SETD1B: variants seen among roughly 807,000 people sequenced by gnomAD.
SETD1B encodes the protein histone-lysine N-methyltransferase SETD1B.
SETD1B carries 7 observed loss-of-function variants against 148.0 expected under a neutral mutation model. That is an observed-to-expected ratio of 0.05 (90% CI 0.03 to 0.09). The LOEUF (loss-of-function observed/expected upper bound fraction) is 0.09, where lower values mean the gene tolerates loss of function less well. Ranked by LOEUF, SETD1B falls within the 10% of genes least tolerant of loss-of-function variation. SETD1B has a pLI of 1.00. For missense variants in SETD1B, 2,155 were observed against 2,729.9 expected, an observed-to-expected ratio of 0.79 and a Z score of 4.69; for synonymous variants, 1,361 against 1,186.5, an observed-to-expected ratio of 1.15 and a Z score of -3.02.
At chr12:121,829,946 G>A (rs957994856) in intron 16 of SETD1B, 120 bp from the exon 17 acceptor site, 1 of 874,572 alleles carries the variant, frequency 1.1e-6, no homozygotes, top group Non-Finnish European at 1.7e-6. Context: ...CAGAGCAGTG[G>A]GCTGGGGGTC....
Position 121,805,024 on chromosome 12 carries a change from A to G in SETD1B, c.175-94A>G. Reference sequence around the variant, plus strand: ...CCGGCCAACTGTCAGACGGGGCCCCAGCCCTGGAGTTTGACAAGTGCCTCG... The same window carrying G: ...CCGGCCAACTGTCAGACGGGGCCCCGGCCCTGGAGTTTGACAAGTGCCTCG... On this transcript the variant is annotated intron_variant, in intron 2 of 16. Coordinates refer to ENST00000604567, the MANE Select transcript of SETD1B (RefSeq NM_001353345.2). The surrounding 1 kb of genome is among the most constrained non-coding windows in gnomAD (Gnocchi z 4.2). 2 of 1,471,786 alleles carry G rather than the reference A, an allele frequency of 1.4e-6. No homozygotes were observed. Among genetic ancestry groups the G allele is most frequent in the Admixed American group, 2.2e-5 (1 of 46,046 alleles). The allele number at this position is 1,471,786 out of a possible 1,614,324, so 91.2% of individuals were successfully genotyped here. A position where few individuals can be genotyped will look rare whatever the true frequency, so the allele number is the denominator to read the frequency against.
the SETD1B span, among the ~76,000 whole-genome samples, chr12:121,798,665 C>T: frequency 6.6e-6 from 1 of 152,202 alleles, no homozygotes; most frequent in African/African-American, 2.4e-5. Flanking sequence ...CTTGTTAATC[C>T]GAACAGGCCC....
Position 121,804,688 on chromosome 12 carries a change from C to A in SETD1B, c.-14-36C>A, listed in dbSNP as rs944810562. The A allele has an allele frequency of 5.9e-6, 9 of 1,533,386 alleles. No individual in the cohort carries two copies. The highest frequency in any genetic ancestry group is 7.9e-6 in the Non-Finnish European group (9 of 1,139,410). 95.0% of individuals were successfully genotyped at this position (1,533,386 alleles called of 1,614,324 possible). ...TGTGTAGAAGCGGCCGCCGCCGCCG[C>A]CGCGGCGGAGACGACAACAACTTGC... On this transcript the variant is annotated intron_variant, in intron 1 of 16. Coordinates refer to ENST00000604567, the MANE Select transcript of SETD1B (RefSeq NM_001353345.2). The surrounding 1 kb of genome is among the most constrained non-coding windows in gnomAD (Gnocchi z 4.6).
chr12:121,818,393 T>A (rs1405360672), intron 10 of SETD1B, among the ~76,000 whole-genome samples: 1 of 151,482 alleles, frequency 6.6e-6, no homozygotes, highest in Non-Finnish European at 1.5e-5. Context: ...TGAAACCCCG[T>A]CTCTACTAAA....
In SETD1B at chr12:121,825,330, C is replaced by T; in HGVS notation, c.5301C>T (p.Ser1767=). The change falls in exon 13 of 17, where the codon AGC becomes AGT. Residue 1767 remains serine, a synonymous_variant. Coordinates refer to ENST00000604567, the MANE Select transcript of SETD1B (RefSeq NM_001353345.2). The part of the protein sequence containing the change: ...KKDKLRYLNS[S]RASTDEPPAD... Reference sequence around the variant, plus strand: ...ACAAGCTCAGATACCTCAACAGCAGCCGTGCCAGCACCGATGAGCCCCCCG... The same window carrying T: ...ACAAGCTCAGATACCTCAACAGCAGTCGTGCCAGCACCGATGAGCCCCCCG... 2 of 1,551,394 alleles carry T rather than the reference C, an allele frequency of 1.3e-6. No individual in the cohort carries two copies. The highest frequency in any genetic ancestry group is 1.2e-5 in the South Asian group (1 of 84,064).
At chr12:121,821,835 C>T (rs1049230156) in intron 11 of SETD1B, among the ~76,000 whole-genome samples, 4 of 152,118 alleles carry the variant, frequency 2.6e-5, no homozygotes, top group Non-Finnish European at 5.9e-5. Flanking sequence ...TCTGTAATTC[C>T]AGCACTTTGG....
At chr12:121,818,091 G>A (rs888079285) in intron 10 of SETD1B, among the ~76,000 whole-genome samples, 187 bp downstream of exon 10, 1 of 152,228 alleles carries the variant, frequency 6.6e-6, no homozygotes, top group Non-Finnish European at 1.5e-5. Context: ...ATAATGGCAT[G>A]TCCATAGAAA....
chr12:121,819,932 G>C (rs1481980225), intron 11 of SETD1B, 37 bp downstream of exon 11: 14 of 1,505,518 alleles, frequency 9.3e-6, no homozygotes, highest in East Asian at 7.4e-5. Context: ...TGGTGGGAGG[G>C]AGGCAGGAAG....
rs1223497678 is a variant in SETD1B, at chr12:121,822,989, G to C, written c.4410G>C (p.Thr1470=). The C allele has an allele frequency of 6.5e-7, 1 of 1,532,304 alleles. No individual in the cohort carries two copies. 94.9% of individuals were successfully genotyped at this position (1,532,304 alleles called of 1,614,324 possible). The stretch of plus-strand genomic sequence containing the variant: ...TGGCCTCCCCGGTGCTCCTGGAGAC[G>C]GGCCTGCCCCTCCCTCTGCCCCTTC... The part of the protein sequence containing the change: ...GPLASPVLLE[T]GLPLPLPLPL... Residue 1470 remains threonine, a synonymous_variant, in exon 12 of 17, where the codon ACG becomes ACC. Transcript: ENST00000604567.
chr12:121,814,942 G>A lies in SETD1B; in HGVS notation c.2715+12G>A. 1.3e-6 allele frequency: 2 copies of A among 1,532,790 alleles called. No individual in the cohort carries two copies. Among genetic ancestry groups the A allele is most frequent in the Non-Finnish European group, 1.8e-6 (2 of 1,134,120 alleles). 94.9% of individuals were successfully genotyped at this position (1,532,790 alleles called of 1,614,324 possible). On this transcript the variant is annotated intron_variant, in intron 7 of 16. Coordinates refer to ENST00000604567, the MANE Select transcript of SETD1B (RefSeq NM_001353345.2). ...AGCGGATGGCCAAGGTGGGTGGGTGGGTGCAGGGCTCTGCAGGGTGGCTGT... is the reference window on the plus strand; with the variant it reads ...AGCGGATGGCCAAGGTGGGTGGGTGAGTGCAGGGCTCTGCAGGGTGGCTGT...
In SETD1B at chr12:121,809,661, G is replaced by A; in HGVS notation, c.716G>A (p.Gly239Asp). The A allele has an allele frequency of 1.3e-6, 2 of 1,551,570 alleles. No homozygotes were observed. The highest frequency in any genetic ancestry group is 1.7e-6 in the Non-Finnish European group (2 of 1,146,974). The change falls in exon 6 of 17, where the codon GGC becomes GAC. Residue 239 changes from glycine (G) to aspartate (D), a missense_variant. Gly to Asp is a moderately conservative substitution (Grantham distance 94, BLOSUM62 -1). Coordinates refer to ENST00000604567, the MANE Select transcript of SETD1B (RefSeq NM_001353345.2). ...GGCCTGTCTGCAGGCTGTGGCTCCGGCTCCTCCTCTGTCACCCCCAATAGC... is the reference window on the plus strand; with the variant it reads ...GGCCTGTCTGCAGGCTGTGGCTCCGACTCCTCCTCTGTCACCCCCAATAGC... The part of the protein sequence containing the change: ...DGGLSAGCGS[G>D]SSSVTPNSGG...
chr12:121,825,121 T>G, intron 12 of SETD1B, 79 bp from the exon 13 acceptor site: 1 of 1,418,708 alleles, frequency 7.0e-7, no homozygotes, highest in Non-Finnish European at 9.5e-7. Context: ...AAGGGTGGTC[T>G]GAGGATGGGC....
At chr12:121,802,953 G>A (rs1875466803), upstream of SETD1B, 1 of 152,272 alleles carries the variant, frequency 6.6e-6, no homozygotes, top group Non-Finnish European at 1.5e-5. Context: ...GATGAAGGAT[G>A]TTTTGAGATC....
chr12:121,794,287 C>T, the SETD1B span: 2 of 152,306 alleles, frequency 1.3e-5, no homozygotes, highest in African/African-American at 4.8e-5. Flanking sequence ...AGGGACTGGG[C>T]TCCGCTTACC....
intron 5 of SETD1B, among the ~76,000 whole-genome samples, chr12:121,809,152 T>G (rs1875888186): frequency 6.6e-6 from 1 of 152,150 alleles, no homozygotes; most frequent in Non-Finnish European, 1.5e-5. Flanking sequence ...GGGGTTACAG[T>G]CATGAGCCAC....
In SETD1B at chr12:121,827,515, G is replaced by A; in HGVS notation, c.5338-4G>A. The A allele has an allele frequency of 6.5e-7, 1 of 1,534,848 alleles. No individual in the cohort carries two copies. On this transcript the variant is annotated splice_region_variant and splice_polypyrimidine_tract_variant and intron_variant, in intron 13 of 16. Coordinates refer to ENST00000604567, the MANE Select transcript of SETD1B (RefSeq NM_001353345.2). Reference sequence around the variant, plus strand: ...CGCTGAGCCCCGCACACCGTCCACTGCAGGGCATGAGCATCCCAGCACAGC... The same window carrying A: ...CGCTGAGCCCCGCACACCGTCCACTACAGGGCATGAGCATCCCAGCACAGC...
rs1875575000 is a variant in SETD1B, at chr12:121,804,166, G to T, written c.-82G>T. 1.3e-5 allele frequency: 2 copies of T among 149,656 alleles called. No individual in the cohort carries two copies. Among genetic ancestry groups the T allele is most frequent in the Non-Finnish European group, 3.0e-5 (2 of 66,872 alleles). The allele number at this position is 149,656 out of a possible 1,614,324, so 9.3% of individuals were successfully genotyped here. On this transcript the variant is annotated 5_prime_UTR_variant, in exon 1 of 17. Coordinates refer to ENST00000604567, the MANE Select transcript of SETD1B (RefSeq NM_001353345.2). This position sits in a 1 kb window ranked among gnomAD's most constrained non-coding sequence, Gnocchi z 4.6. Reference sequence around the variant, plus strand: ...CCTGGCCCCCGGTCCGGCCGCCCCGGCCTCGGCTCCCTCGGGGGACACCAT... The same window carrying T: ...CCTGGCCCCCGGTCCGGCCGCCCCGTCCTCGGCTCCCTCGGGGGACACCAT...
the SETD1B span, among the ~76,000 whole-genome samples, chr12:121,795,094 G>C: frequency 6.6e-6 from 1 of 152,148 alleles, no homozygotes; most frequent in African/African-American, 2.4e-5. Context: ...GGCACGGTCT[G>C]ACCACCAGAG....
At chr12:121,822,153 C>T (rs929421619) in intron 11 of SETD1B, among the ~76,000 whole-genome samples, 3 of 152,170 alleles carry the variant, frequency 2.0e-5, no homozygotes, top group African/African-American at 2.4e-5. Flanking sequence ...TTGAAGGCTC[C>T]GACAAGTCCT....
Sources: allele counts gnomAD v4.1 joint callset (sites outside exome capture counted in the v4.1 genomes callset), GRCh38; gene constraint gnomAD v4.1.1; non-coding constraint Gnocchi (gnomAD v3.1); transcripts MANE v1.5; gene names NCBI Gene and HGNC (gene_info 2026-07-23, HGNC 2026-07-21).